Variants in RPAP2 observed in about 807,000 individuals in gnomAD.
RPAP2 encodes the protein putative RNA polymerase II subunit B1 CTD phosphatase RPAP2.
RPAP2 carries 52 observed loss-of-function variants against 73.1 expected under a neutral mutation model. The observed-to-expected ratio is 0.71, with a 90% CI of 0.57 to 0.90. RPAP2 has a LOEUF of 0.90. Among genes scored for constraint, RPAP2 ranks in the 40% least tolerant of loss-of-function variants. The pLI is 0.00. For synonymous variants in RPAP2, 225 were observed against 242.1 expected (o/e 0.93, Z 0.65); for missense variants, 598 against 701.8 (o/e 0.85, Z 1.67).
intron 10 of RPAP2, among the ~76,000 whole-genome samples, chr1:92,345,320 C>T (rs1557614745): frequency 6.9e-6 from 1 of 144,200 alleles, no homozygotes; most frequent in Non-Finnish European, 1.5e-5. Flanking sequence ...GCACCATGAT[C>T]ATGCCTATGA....
chr1:92,394,832 C>T lies in RPAP2; in HGVS notation c.*7821C>T, dbSNP rs1309068133. The T allele has an allele frequency of 6.6e-6, 1 of 152,112 alleles. No individual in the cohort carries two copies. Among genetic ancestry groups the T allele is most frequent in the African/African-American group, 2.4e-5 (1 of 41,426 alleles). The allele number at this position is 152,112 out of a possible 1,614,324, so 9.4% of individuals were successfully genotyped here. ...TTTTTTGAAAAATTGACAAGCCAAT[C>T]TTAAAATCTGTATGAAAACATAAAG... On this transcript the variant is annotated 3_prime_UTR_variant, in exon 13 of 13. Coordinates refer to ENST00000610020, the MANE Select transcript of RPAP2 (RefSeq NM_024813.3).
chr1:92,312,665 A>G (rs984646732), intron 6 of RPAP2, among the ~76,000 whole-genome samples: 1 of 152,150 alleles, frequency 6.6e-6, no homozygotes, highest in Admixed American at 6.6e-5. Flanking sequence ...TCTAATTCTT[A>G]TCTTGCTATT....
intron 10 of RPAP2, among the ~76,000 whole-genome samples, chr1:92,337,760 C>T (rs1037584657): frequency 2.0e-5 from 3 of 152,144 alleles, no homozygotes; most frequent in African/African-American, 7.2e-5. Flanking sequence ...ATTTTTCCAA[C>T]TCATGATAGT....
intron 8 of RPAP2, among the ~76,000 whole-genome samples, chr1:92,327,790 T>C (rs1652731413): frequency 6.6e-6 from 1 of 152,180 alleles, no homozygotes; most frequent in Non-Finnish European, 1.5e-5. Context: ...ATTTTGGTAT[T>C]ATTTCCAGGA....
intron 11 of RPAP2, among the ~76,000 whole-genome samples, chr1:92,375,956 C>A (rs180941288): frequency 1.4e-5 from 2 of 146,646 alleles, no homozygotes; most frequent in Non-Finnish European, 3.0e-5. Context: ...GCCAAGATAG[C>A]GCCATTGCAC....
intron 12 of RPAP2, among the ~76,000 whole-genome samples, chr1:92,381,943 C>T (rs530004976): frequency 2.1e-4 from 29 of 137,440 alleles, no homozygotes; most frequent in Middle Eastern, 3.6e-3. Flanking sequence ...CAACAGTCCC[C>T]GGTGTGTGAT....
intron 11 of RPAP2, among the ~76,000 whole-genome samples, chr1:92,377,247 G>A (rs1001072576): frequency 3.9e-5 from 6 of 151,958 alleles, no homozygotes; most frequent in South Asian, 2.1e-4. Context: ...TAGGCCGGGC[G>A]CGGTGGCTCA....
Position 92,323,829 on chromosome 1 carries a change from C to T in RPAP2, c.909C>T (p.Ser303=), listed in dbSNP as rs1315386161. 2 of 1,614,016 alleles carry T rather than the reference C, an allele frequency of 1.2e-6. No homozygotes were observed. Among genetic ancestry groups the T allele is most frequent in the South Asian group, 1.1e-5 (1 of 91,082 alleles). ...QKVNTQSSSN[S]TLPERLKASE... is the part of the protein sequence containing the mutation. ...TAAATACTCAGAGTTCTTCAAATAG[C>T]ACTTTGCCTGAAAGATTAAAAGCGT... The change falls in exon 8 of 13, where the codon AGC becomes AGT. Residue 303 remains serine (S), a synonymous_variant. Coordinates refer to ENST00000610020, the MANE Select transcript of RPAP2 (RefSeq NM_024813.3).
chr1:92,371,593 C>A (rs975808660), intron 11 of RPAP2, among the ~76,000 whole-genome samples: 1 of 151,568 alleles, frequency 6.6e-6, no homozygotes, highest in African/African-American at 2.4e-5. Context: ...ATATAAACAG[C>A]GGCATATATT....
In RPAP2 at chr1:92,301,596, T is replaced by C; in HGVS notation, c.234+6T>C. ...AAGAGTTCCTAATGGAGTGTGTATG[T>C]GTTAAGTTGACAAATTATTAGTTTT... On this transcript the variant is annotated splice_donor_region_variant and intron_variant, in intron 3 of 12. Coordinates refer to ENST00000610020, the MANE Select transcript of RPAP2 (RefSeq NM_024813.3). 3.3e-6 allele frequency: 4 copies of C among 1,204,162 alleles called. No individual in the cohort carries two copies. The highest frequency in any genetic ancestry group is 3.5e-6 in the Non-Finnish European group (3 of 859,248). The allele number at this position is 1,204,162 out of a possible 1,614,324, so 74.6% of individuals were successfully genotyped here.
intron 12 of RPAP2, among the ~76,000 whole-genome samples, chr1:92,385,157 G>A (rs1169920023): frequency 7.4e-6 from 1 of 134,472 alleles, no homozygotes; most frequent in Non-Finnish European, 1.5e-5. Context: ...CTGGGCACCA[G>A]AGCAAGACCC....
Position 92,324,334 on chromosome 1 carries a change from G to A in RPAP2, c.1414G>A (p.Val472Ile). ...RIREFYRGRY[V>I]LGEETTKSQD... Reference sequence around the variant, plus strand: ...CAGGGAGTTTTACAGAGGACGGTATGTTTTGGGTGAAGAAACCACCAAATC... The same window carrying A: ...CAGGGAGTTTTACAGAGGACGGTATATTTTGGGTGAAGAAACCACCAAATC... Residue 472 changes from valine (V) to isoleucine (I), a missense_variant, in exon 8 of 13, where the codon GTT becomes ATT. Val to Ile is a conservative substitution (Grantham distance 29). Transcript: ENST00000610020. The A allele has an allele frequency of 4.3e-6, 7 of 1,613,914 alleles. No individual in the cohort carries two copies. Among genetic ancestry groups the A allele is most frequent in the Non-Finnish European group, 4.2e-6 (5 of 1,179,934 alleles).
At chr1:92,357,913 G>A (rs1207921685) in intron 11 of RPAP2, among the ~76,000 whole-genome samples, 4 of 152,052 alleles carry the variant, frequency 2.6e-5, no homozygotes, top group Non-Finnish European at 5.9e-5. Flanking sequence ...TTTGTTTTTT[G>A]TGGAGTTTCA....
At chr1:92,368,599 G>A (rs1465787124) in intron 11 of RPAP2, among the ~76,000 whole-genome samples, 1 of 152,072 alleles carries the variant, frequency 6.6e-6, no homozygotes, top group Non-Finnish European at 1.5e-5. Context: ...TAAATCCTTG[G>A]ATAGAAGGTT....
intron 11 of RPAP2, among the ~76,000 whole-genome samples, chr1:92,352,008 T>G (rs1654246004): frequency 6.6e-6 from 1 of 152,172 alleles, no homozygotes; most frequent in African/African-American, 2.4e-5. Flanking sequence ...ATGAGTACTT[T>G]GTATTACTCA....
In RPAP2 at chr1:92,320,651, A is replaced by G. The variant is rs1209006940; in HGVS notation, c.524+17A>G. On this transcript the variant is annotated intron_variant, in intron 7 of 12. Transcript: ENST00000610020. ...AGAACAAAGGTATGGTTGAATCAGT[A>G]TCATTTACCATTTATATATTTATGT... 4.4e-6 allele frequency: 7 copies of G among 1,583,356 alleles called. No homozygotes were observed. The highest frequency in any genetic ancestry group is 4.0e-5 in the African/African-American group (3 of 74,440).
chr1:92,346,042 T>A (rs543710989), intron 11 of RPAP2, 128 bp downstream of exon 11: 6 of 561,828 alleles, frequency 1.1e-5, no homozygotes, highest in Non-Finnish European at 1.9e-5. Context: ...TGTGCCTTAT[T>A]TTCCTTTCCT....
At chr1:92,309,229 G>A (rs1651427437) in intron 6 of RPAP2, among the ~76,000 whole-genome samples, 2 of 152,026 alleles carry the variant, frequency 1.3e-5, no homozygotes, top group South Asian at 2.1e-4. Flanking sequence ...AGATCACAAG[G>A]TCAAGAGATC....
At chr1:92,384,623 C>G (rs1346565955) in intron 12 of RPAP2, among the ~76,000 whole-genome samples, 2 of 99,716 alleles carry the variant, frequency 2.0e-5, no homozygotes, top group Non-Finnish European at 4.3e-5. Context: ...AACTCCATCT[C>G]AAAAAAAAAA....
Sources: gnomAD v4.1 joint callset for allele counts (sites outside exome capture counted in the v4.1 genomes callset) on GRCh38, gnomAD v4.1.1 for gene constraint, MANE v1.5 for transcripts, NCBI Gene and HGNC (gene_info 2026-07-23, HGNC 2026-07-21) for gene names.